DOCK5: variants seen among roughly 807,000 people sequenced by gnomAD.
The protein encoded by DOCK5 is dedicator of cytokinesis 5.
DOCK5 carries 142 observed loss-of-function variants against 251.8 expected under a neutral mutation model. The ratio of observed to expected loss-of-function variants is 0.56; its 90% CI spans 0.49 to 0.65. The LOEUF (loss-of-function observed/expected upper bound fraction) is 0.65, where lower values mean the gene tolerates loss of function less well. Among genes scored for constraint, DOCK5 ranks in the 30% least tolerant of loss-of-function variants. DOCK5 has a pLI of 0.00. For missense variants in DOCK5, 2,111 were observed against 2,312.3 expected, an observed-to-expected ratio of 0.91 and a Z score of 1.79; for synonymous variants, 842 against 835.5, an observed-to-expected ratio of 1.01 and a Z score of -0.13.
rs1336940191 is a variant in DOCK5, at chr8:25,411,115, A to G, written c.5509-79A>G. ...CAGATCAATTAGAAGCTAAAGCAGA[A>G]TATGAGAAATAGGAGGAGAAGGCAG... On this transcript the variant is annotated intron_variant, in intron 51 of 51. Coordinates refer to ENST00000276440, the MANE Select transcript of DOCK5 (RefSeq NM_024940.8). The G allele has an allele frequency of 4.2e-6, 6 of 1,413,152 alleles. No individual in the cohort carries two copies. In the African/African-American group the frequency reaches 9.0e-5, roughly 21 times the overall value. 87.5% of individuals were successfully genotyped at this position (1,413,152 alleles called of 1,614,324 possible). A position where few individuals can be genotyped will look rare whatever the true frequency, so the allele number is the denominator to read the frequency against.
intron 26 of DOCK5, among the ~76,000 whole-genome samples, chr8:25,346,138 T>C (rs1419542575): frequency 2.1e-5 from 3 of 143,130 alleles, no homozygotes; most frequent in African/African-American, 5.0e-5. Context: ...GCATGAGCCA[T>C]CGCGCCCAGC....
rs112272414 is a variant in DOCK5, at chr8:25,403,689, G to A, written c.5058G>A (p.Ser1686=). ...TSSVVSTSSN[S]SDNAPSRPGS... ...CTGTGGTTTCCACCTCTTCAAACTCGTCTGACAATGCTCCTTCCAGACCGG... is the reference window on the plus strand; with the variant it reads ...CTGTGGTTTCCACCTCTTCAAACTCATCTGACAATGCTCCTTCCAGACCGG... The change falls in exon 48 of 52, where the codon TCG becomes TCA. Residue 1686 remains serine (S), a synonymous_variant. Transcript: ENST00000276440. 2.2e-5 allele frequency: 35 copies of A among 1,613,712 alleles called. No homozygotes were observed. The highest frequency in any genetic ancestry group is 6.7e-5 in the Admixed American group (4 of 59,982).
chr8:25,303,477 C>T (rs1002555444), intron 10 of DOCK5, among the ~76,000 whole-genome samples: 1 of 152,156 alleles, frequency 6.6e-6, no homozygotes, highest in African/African-American at 2.4e-5. Flanking sequence ...TTACATCAAA[C>T]CCCAGAACCT....
chr8:25,252,621 G>A (rs1369873240), intron 2 of DOCK5, among the ~76,000 whole-genome samples: 2 of 152,176 alleles, frequency 1.3e-5, no homozygotes, highest in African/African-American at 2.4e-5. Context: ...CTTAAGTACA[G>A]CTTGTGAGCT....
chr8:25,224,118 T>G (rs1253596378), intron 1 of DOCK5, among the ~76,000 whole-genome samples: 8 of 152,142 alleles, frequency 5.3e-5, no homozygotes, highest in Non-Finnish European at 1.0e-4. Context: ...TTTGTTTTTG[T>G]TTTTTGTTTT....
At position 25,380,352 on chromosome 8, in the gene DOCK5, C is replaced by T. The variant is rs779125821; in HGVS notation, c.3984C>T (p.Tyr1328=). ...TGAGCAAAGAGTTGGCTGAGACTTACGAAAGCAAAGTATTTGACTACGAGG... is the reference window on the plus strand; with the variant it reads ...TGAGCAAAGAGTTGGCTGAGACTTATGAAAGCAAAGTATTTGACTACGAGG... ...IKLSKELAET[Y]ESKVFDYEGL... The change falls in exon 39 of 52, where the codon TAC becomes TAT. Residue 1328 remains tyrosine (Y), a synonymous_variant. Coordinates refer to ENST00000276440, the MANE Select transcript of DOCK5 (RefSeq NM_024940.8). 40 of 1,612,010 alleles carry T rather than the reference C, an allele frequency of 2.5e-5. No individual in the cohort carries two copies. Among genetic ancestry groups the T allele is most frequent in the South Asian group, 5.5e-5 (5 of 90,532 alleles).
At chr8:25,391,221 G>A (rs1028805121) in intron 42 of DOCK5, among the ~76,000 whole-genome samples, 7 of 150,368 alleles carry the variant, frequency 4.7e-5, no homozygotes, top group Non-Finnish European at 7.4e-5. Context: ...GTGTGTGTGT[G>A]TGTGTGTGTG....
At chr8:25,295,809 G>GTATT (rs1468926664) in intron 6 of DOCK5, among the ~76,000 whole-genome samples, 1 of 151,676 alleles carries the variant, frequency 6.6e-6, no homozygotes, top group Non-Finnish European at 1.5e-5. Context: ...AGGTATGTGT[G>GTATT]TATGTATTTA....
intron 5 of DOCK5, among the ~76,000 whole-genome samples, chr8:25,285,533 G>A (rs1190901355): frequency 2.0e-5 from 3 of 152,114 alleles, no homozygotes; most frequent in Admixed American, 2.0e-4. Context: ...AGAACCCTGT[G>A]GCAGTCTATA....
At chr8:25,196,137 C>T (rs989725863) in intron 1 of DOCK5, among the ~76,000 whole-genome samples, 2 of 152,154 alleles carry the variant, frequency 1.3e-5, no homozygotes, top group African/African-American at 4.8e-5. Flanking sequence ...GACTTAGAAT[C>T]ATAAATGTTG....
At chr8:25,306,795 C>A (rs1319321598) in intron 11 of DOCK5, among the ~76,000 whole-genome samples, 2 of 152,106 alleles carry the variant, frequency 1.3e-5, no homozygotes, top group African/African-American at 2.4e-5. Flanking sequence ...AAATAAAATA[C>A]AATCATGCAT....
chr8:25,265,310 A>C (rs150437705), intron 2 of DOCK5, among the ~76,000 whole-genome samples: 2 of 151,802 alleles, frequency 1.3e-5, no homozygotes, highest in Non-Finnish European at 2.9e-5. Context: ...GGCCTCCTCT[A>C]ACTACCTTCG....
chr8:25,232,265 CTGCAATGCAGAATGCAATGCAA>C (rs1169633420), intron 1 of DOCK5, among the ~76,000 whole-genome samples: 9 of 80,158 alleles, frequency 1.1e-4, no homozygotes, highest in Non-Finnish European at 1.7e-4. Flanking sequence ...TGGGAGGATT[CTGCAATGCAGAATGCAATGCAA>C]TGCAATGCAG....
At chr8:25,403,932 A>G (rs548845112) in intron 48 of DOCK5, among the ~76,000 whole-genome samples, 6 of 152,344 alleles carry the variant, frequency 3.9e-5, no homozygotes, top group Admixed American at 2.6e-4. Context: ...CTACCACACT[A>G]TTACATACCT....
intron 1 of DOCK5, among the ~76,000 whole-genome samples, chr8:25,242,641 TC>T (rs1802984386): frequency 1.3e-5 from 2 of 152,370 alleles, no homozygotes; most frequent in East Asian, 1.9e-4. Flanking sequence ...TATTCAAAGC[TC>T]TGGCTTGTCT....
At chr8:25,192,424 C>T (rs562080103) in intron 1 of DOCK5, among the ~76,000 whole-genome samples, 10 of 152,222 alleles carry the variant, frequency 6.6e-5, no homozygotes, top group African/African-American at 2.2e-4. Flanking sequence ...ACTTGTTCAT[C>T]GTCACCTTGG....
Position 25,247,688 on chromosome 8 carries a change from A to G in DOCK5, c.127+3931A>G, listed in dbSNP as rs545788014. Reference sequence around the variant, plus strand: ...AAACATTCCTCAAGACAGCATCCCTATGGACCAAGCTAAGGGGGTCACTGA... The same window carrying G: ...AAACATTCCTCAAGACAGCATCCCTGTGGACCAAGCTAAGGGGGTCACTGA... On this transcript the variant is annotated intron_variant, in intron 2 of 51. Transcript: ENST00000276440. Among the ~76,000 whole-genome samples, 11 of 152,318 alleles carry G rather than the reference A, an allele frequency of 7.2e-5. No homozygotes were observed. The South Asian group carries it at 1.9e-3, about 26-fold the overall frequency.
chr8:25,285,396 T>C (rs1276772695), intron 5 of DOCK5, among the ~76,000 whole-genome samples: 1 of 152,178 alleles, frequency 6.6e-6, no homozygotes, highest in Non-Finnish European at 1.5e-5. Flanking sequence ...TCTGCTCGCC[T>C]TGGCCTCCCA....
rs892297060 is a variant in DOCK5 at position 25,389,038 on chromosome 8, T to A, written c.4132-53T>A. ...CTACCTCAGTACCCGGAACTCCAGT[T>A]GCCTCTCCACTCTTCCTATGTAATG... On this transcript the variant is annotated intron_variant, in intron 40 of 51. Transcript: ENST00000276440. 4.4e-6 allele frequency: 7 copies of A among 1,578,778 alleles called. No individual in the cohort carries two copies. The Middle Eastern group carries it at 1.2e-3, about 275-fold the overall frequency.
Sources: allele counts gnomAD v4.1 joint callset (sites outside exome capture counted in the v4.1 genomes callset), GRCh38; gene constraint gnomAD v4.1.1; transcripts MANE v1.5; gene names NCBI Gene and HGNC (gene_info 2026-07-23, HGNC 2026-07-21).